The following DCAF7 variants were observed in gnomAD, a reference collection of about 807,000 sequenced individuals.
DCAF7 encodes the protein DDB1 and CUL4 associated factor 7, also known as DDB1- and CUL4-associated factor 7.
DCAF7 carries 4 observed loss-of-function variants against 41.2 expected under a neutral mutation model. The observed-to-expected ratio is 0.10, with a 90% confidence interval of 0.05 to 0.22. The LOEUF (loss-of-function observed/expected upper bound fraction) is 0.22, where lower values mean the gene tolerates loss of function less well. DCAF7 is among the 10% of genes least tolerant of loss of function. DCAF7 has a pLI of 1.00. For synonymous variants in DCAF7, 143 were observed against 164.2 expected (o/e 0.87, Z 0.99); for missense variants, 131 against 443.2 (o/e 0.30, Z 6.32).
Position 63,579,462 on chromosome 17 carries a change from G to C in DCAF7, c.409+14G>C. 6.4e-7 allele frequency: 1 copy of C among 1,572,914 alleles called. No homozygotes were observed. Among genetic ancestry groups the C allele is most frequent in the Middle Eastern group, 1.7e-4 (1 of 5,992 alleles). Reference sequence around the variant, plus strand: ...CTTATCTTTTAGGTAAGGGAGTTAGGGAGTATGTATTTCAGCTGGAAGAAG... The same window carrying C: ...CTTATCTTTTAGGTAAGGGAGTTAGCGAGTATGTATTTCAGCTGGAAGAAG... On this transcript the variant is annotated intron_variant, in intron 3 of 6. Coordinates refer to ENST00000614556, the MANE Select transcript of DCAF7 (RefSeq NM_005828.5).
intron 1 of DCAF7, among the ~76,000 whole-genome samples, chr17:63,559,388 T>TAC (rs2033351017): frequency 3.8e-5 from 2 of 52,424 alleles, no homozygotes; most frequent in Admixed American, 1.8e-4. Flanking sequence ...TATATATATG[T>TAC]ATATATATAT....
chr17:63,573,761 G>C (rs2033532385), intron 1 of DCAF7, among the ~76,000 whole-genome samples: 1 of 151,728 alleles, frequency 6.6e-6, no homozygotes, highest in Admixed American at 6.6e-5. Flanking sequence ...GCAAAGGTGA[G>C]AATGTCAACT....
At chr17:63,580,078 C>A in intron 4 of DCAF7, 135 bp downstream of exon 4, 3 of 701,732 alleles carry the variant, frequency 4.3e-6, no homozygotes, top group South Asian at 3.3e-5. Context: ...TCTAAATTGA[C>A]AATAGTAATG....
At chr17:63,559,303 C>A (rs928979667) in intron 1 of DCAF7, among the ~76,000 whole-genome samples, 267 of 101,410 alleles carry the variant, frequency 2.6e-3, no homozygotes, top group African/African-American at 0.011. Flanking sequence ...AGTGTGAGAC[C>A]CATATATATA....
At chr17:63,561,258 C>CTT (rs1456768971) in intron 1 of DCAF7, among the ~76,000 whole-genome samples, 1 of 152,056 alleles carries the variant, frequency 6.6e-6, no homozygotes, top group Non-Finnish European at 1.5e-5. Flanking sequence ...GAGCAAGACT[C>CTT]TATCTCAAAA....
intron 1 of DCAF7, among the ~76,000 whole-genome samples, chr17:63,571,794 A>G (rs543189476): frequency 4.2e-4 from 64 of 152,154 alleles, no homozygotes; most frequent in African/African-American, 1.5e-3. Flanking sequence ...AACTTTGCTG[A>G]AATCACATCA....
At chr17:63,586,539 G>T (rs2033678484) in intron 6 of DCAF7, among the ~76,000 whole-genome samples, 1 of 152,150 alleles carries the variant, frequency 6.6e-6, no homozygotes, top group Non-Finnish European at 1.5e-5. Flanking sequence ...GCCGAGGCAG[G>T]TGGATCACGA....
In DCAF7 at chr17:63,550,605, A is replaced by G; in HGVS notation, c.-73A>G. The G allele has an allele frequency of 6.3e-7, 1 of 1,586,438 alleles. No homozygotes were observed. Among genetic ancestry groups the G allele is most frequent in the Non-Finnish European group, 8.6e-7 (1 of 1,165,474 alleles). ...CCTCCTCTCCTCCCTTCGGACCCAT[A>G]GATCTCAGGCTCGGCTCCCCGCCCG... On this transcript the variant is annotated 5_prime_UTR_variant, in exon 1 of 7. It adds an upstream start codon to the 5' untranslated region. Coordinates refer to ENST00000614556, the MANE Select transcript of DCAF7 (RefSeq NM_005828.5). The surrounding 1 kb of genome is among the most constrained non-coding windows in gnomAD (Gnocchi z 4.8).
chr17:63,588,598 C>T (rs1003282149), intron 6 of DCAF7, among the ~76,000 whole-genome samples: 10 of 151,968 alleles, frequency 6.6e-5, no homozygotes, highest in Admixed American at 1.3e-4. Context: ...AAGAAACGCT[C>T]TCATTATATT....
intron 1 of DCAF7, among the ~76,000 whole-genome samples, chr17:63,570,283 G>A (rs541192990): frequency 2.2e-4 from 34 of 151,612 alleles, no homozygotes; most frequent in Admixed American, 2.0e-4. Flanking sequence ...GCAAAACCCC[G>A]TCTCTACAAA....
chr17:63,568,965 T>G (rs569988209), intron 1 of DCAF7, among the ~76,000 whole-genome samples: 1 of 152,242 alleles, frequency 6.6e-6, no homozygotes, highest in South Asian at 2.1e-4. Flanking sequence ...TGCTTAGGAG[T>G]GAATCGGTTA....
At chr17:63,577,863 G>T (rs1361415778) in intron 1 of DCAF7, among the ~76,000 whole-genome samples, 1 of 152,154 alleles carries the variant, frequency 6.6e-6, no homozygotes, top group Admixed American at 6.6e-5. Context: ...GCCTGGCCTG[G>T]CAGATAGTGC....
At position 63,551,891 on chromosome 17, in the gene DCAF7, C is replaced by CAAAAAAAAAAA. The variant is rs529811578; in HGVS notation, c.138+1106_138+1116dup. On this transcript the variant is annotated intron_variant, in intron 1 of 6. Coordinates refer to ENST00000614556, the MANE Select transcript of DCAF7 (RefSeq NM_005828.5). Reference sequence around the variant, plus strand: ...GTGAAACCCCGTCTCTACTAAAATACAAAAAAAAAAAAAAAAAAAAAAAAA... The same window carrying CAAAAAAAAAAA: ...GTGAAACCCCGTCTCTACTAAAATACAAAAAAAAAAAAAAAAAAAAAAAAAAAAAAAAAAAA... 1.5e-3 allele frequency among the ~76,000 whole-genome samples: 42 copies of CAAAAAAAAAAA among 27,294 alleles called. 15 individuals are homozygous for CAAAAAAAAAAA. The highest frequency in any genetic ancestry group is 3.2e-3 in the South Asian group (1 of 314). 17.9% of individuals were successfully genotyped at this position (27,294 alleles called of 152,430 possible).
chr17:63,565,436 G>C (rs979222325), intron 1 of DCAF7, among the ~76,000 whole-genome samples: 14 of 151,908 alleles, frequency 9.2e-5, no homozygotes, highest in Non-Finnish European at 2.1e-4. Flanking sequence ...TTAGCTGGGC[G>C]TGGTGGTGCA....
At chr17:63,568,801 G>A (rs2033473416) in intron 1 of DCAF7, among the ~76,000 whole-genome samples, 1 of 152,158 alleles carries the variant, frequency 6.6e-6, no homozygotes, top group African/African-American at 2.4e-5. Context: ...CACAATACAT[G>A]TCTCTTTTCT....
chr17:63,553,751 T>C (rs1378753373), intron 1 of DCAF7, among the ~76,000 whole-genome samples: 2 of 152,226 alleles, frequency 1.3e-5, no homozygotes, highest in African/African-American at 2.4e-5. Context: ...ATTAGCATAA[T>C]CATGTTTTCC....
chr17:63,583,016 C>G (rs2033640557), intron 4 of DCAF7, among the ~76,000 whole-genome samples: 1 of 152,200 alleles, frequency 6.6e-6, no homozygotes, highest in African/African-American at 2.4e-5. Context: ...CTCTTTCTTG[C>G]AAATGAGTCT....
At chr17:63,559,393 A>G (rs1216897054) in intron 1 of DCAF7, among the ~76,000 whole-genome samples, 6 of 96,984 alleles carry the variant, frequency 6.2e-5, no homozygotes, top group Admixed American at 9.8e-5. Flanking sequence ...ATATGTATAT[A>G]TATATGTATA....
chr17:63,586,125 CAAAAAAAAAAA>C (rs545840925), intron 6 of DCAF7, among the ~76,000 whole-genome samples: 5 of 58,442 alleles, frequency 8.6e-5, no homozygotes, highest in Admixed American at 2.1e-4. Context: ...ACTCTGTCTC[CAAAAAAAAAAA>C]AAAAAAAAAA....
Sources: allele counts gnomAD v4.1 joint callset (sites outside exome capture counted in the v4.1 genomes callset), GRCh38; gene constraint gnomAD v4.1.1; non-coding constraint Gnocchi (gnomAD v3.1); transcripts MANE v1.5; gene names NCBI Gene and HGNC (gene_info 2026-07-23, HGNC 2026-07-21).